STXBP4: variants seen among roughly 807,000 people sequenced by gnomAD.
STXBP4 encodes syntaxin binding protein 4, also known as syntaxin-binding protein 4.
In STXBP4, 55 loss-of-function variants were observed where a neutral mutation model predicts 76.1. That is an observed-to-expected ratio of 0.72 (90% CI 0.58 to 0.91). The LOEUF (loss-of-function observed/expected upper bound fraction) is 0.91. Ranked by LOEUF, STXBP4 falls within the 40% of genes least tolerant of loss-of-function variation. STXBP4 has a pLI of 0.00. For missense variants in STXBP4, 618 were observed against 636.9 expected, an observed-to-expected ratio of 0.97 and a Z score of 0.32; for synonymous variants, 201 against 220.2, an observed-to-expected ratio of 0.91 and a Z score of 0.77.
chr17:55,114,111 T>A (rs1358779139), intron 16 of STXBP4, among the ~76,000 whole-genome samples: 1 of 152,064 alleles, frequency 6.6e-6, no homozygotes, highest in African/African-American at 2.4e-5. Flanking sequence ...TTTCCCTTAA[T>A]TGGCACTCAT....
rs373350020 is a variant in STXBP4, at chr17:55,043,322, T to A, written c.942T>A (p.Leu314=). Residue 314 remains leucine, a synonymous_variant, in exon 11 of 18, where the codon CTT becomes CTA. Transcript: ENST00000376352. ...RDDALKEVNT[L]KEKLLESDKQ... ...ATGCCTTGAAAGAAGTAAATACACTTAAGGTAACCTCTAATTTAGTTTCCT... is the reference window on the plus strand; with the variant it reads ...ATGCCTTGAAAGAAGTAAATACACTAAAGGTAACCTCTAATTTAGTTTCCT... The A allele has an allele frequency of 6.8e-7, 1 of 1,476,442 alleles. No individual in the cohort carries two copies. The highest frequency in any genetic ancestry group is 9.1e-7 in the Non-Finnish European group (1 of 1,104,052). The allele number at this position is 1,476,442 out of a possible 1,614,324, so 91.5% of individuals were successfully genotyped here.
chr17:55,042,680 G>A (rs542118444), intron 10 of STXBP4, among the ~76,000 whole-genome samples: 47 of 151,770 alleles, frequency 3.1e-4, no homozygotes, highest in Non-Finnish European at 4.9e-4. Context: ...TTTTGTTATT[G>A]TTATTCACTT....
rs2080340562 is a variant in STXBP4, at chr17:55,161,948, T to C, written c.*2037T>C. On this transcript the variant is annotated 3_prime_UTR_variant, in exon 18 of 18. Coordinates refer to ENST00000376352, the MANE Select transcript of STXBP4 (RefSeq NM_178509.6). Reference sequence around the variant, plus strand: ...TGTTCTCTAAACCACTATGGAGAACTGCTTAGATTCATTGTCTATGGGTAC... The same window carrying C: ...TGTTCTCTAAACCACTATGGAGAACCGCTTAGATTCATTGTCTATGGGTAC... The C allele has an allele frequency of 6.6e-6, 1 of 152,238 alleles. No homozygotes were observed. Among genetic ancestry groups the C allele is most frequent in the Non-Finnish European group, 1.5e-5 (1 of 68,036 alleles). 9.4% of individuals were successfully genotyped at this position (152,238 alleles called of 1,614,324 possible). A position where few individuals can be genotyped will look rare whatever the true frequency, so the allele number is the denominator to read the frequency against.
At chr17:55,178,081 G>A (rs1313647088), downstream of STXBP4, among the ~76,000 whole-genome samples, 1 of 152,180 alleles carries the variant, frequency 6.6e-6, no homozygotes, top group Non-Finnish European at 1.5e-5. Context: ...GAGCTTAATG[G>A]AGATGAACAA....
intron 8 of STXBP4, among the ~76,000 whole-genome samples, chr17:55,025,224 A>T (rs2078390888): frequency 1.3e-5 from 2 of 152,188 alleles, no homozygotes; most frequent in African/African-American, 4.8e-5. Flanking sequence ...AAATTATAGG[A>T]GAATACTATG....
chr17:55,043,751 A>C, intron 11 of STXBP4: 1 of 1,057,152 alleles, frequency 9.5e-7, no homozygotes, highest in Non-Finnish European at 1.4e-6. Flanking sequence ...CGTAATTTGG[A>C]ATTAATATTA....
intron 4 of STXBP4, among the ~76,000 whole-genome samples, chr17:54,998,837 A>T (rs548655572): frequency 6.7e-4 from 77 of 114,906 alleles, no homozygotes; most frequent in Admixed American, 5.4e-3. Flanking sequence ...AATTTTGAAA[A>T]TTTAATTTTT....
chr17:55,083,572 G>C (rs762060264), intron 16 of STXBP4, among the ~76,000 whole-genome samples: 1 of 152,064 alleles, frequency 6.6e-6, no homozygotes, highest in Non-Finnish European at 1.5e-5. Flanking sequence ...GGTTAATTGC[G>C]CTCAGCTAGG....
chr17:55,165,583 A>G lies in STXBP4; in HGVS notation c.*5672A>G, dbSNP rs1353744926. 1 of 152,260 alleles carries G rather than the reference A, an allele frequency of 6.6e-6. No individual in the cohort carries two copies. Among genetic ancestry groups the G allele is most frequent in the Non-Finnish European group, 1.5e-5 (1 of 68,056 alleles). 9.4% of individuals were successfully genotyped at this position (152,260 alleles called of 1,614,324 possible). Reference sequence around the variant, plus strand: ...TCCACATGTTCTCTCAATGGAAATCAATTCGGACAATAACATTAGACCATC... The same window carrying G: ...TCCACATGTTCTCTCAATGGAAATCGATTCGGACAATAACATTAGACCATC... On this transcript the variant is annotated 3_prime_UTR_variant, in exon 18 of 18. Coordinates refer to ENST00000376352, the MANE Select transcript of STXBP4 (RefSeq NM_178509.6).
chr17:55,041,195 A>G (rs1322190132), intron 10 of STXBP4, among the ~76,000 whole-genome samples: 7 of 132,922 alleles, frequency 5.3e-5, no homozygotes, highest in Non-Finnish European at 8.4e-5. Flanking sequence ...TTAATAAATT[A>G]TTTTAGCTCT....
intron 10 of STXBP4, among the ~76,000 whole-genome samples, chr17:55,039,780 A>G (rs960595476): frequency 6.6e-6 from 1 of 152,138 alleles, no homozygotes; most frequent in African/African-American, 2.4e-5. Context: ...ATAACTAAGA[A>G]TATGATGGTA....
intron 6 of STXBP4, chr17:55,000,305 A>G (rs995099592): frequency 1.0e-6 from 1 of 972,464 alleles, no homozygotes; most frequent in Non-Finnish European, 1.2e-6. Context: ...TCACCCAAGT[A>G]GAATCACACA....
chr17:54,991,084 G>C, intron 4 of STXBP4, 127 bp downstream of exon 4: 1 of 1,063,062 alleles, frequency 9.4e-7, no homozygotes, highest in South Asian at 3.0e-5. Context: ...AAATACAAAG[G>C]AATTAGAAGA....
At chr17:55,011,178 T>C (rs889069718) in intron 8 of STXBP4, among the ~76,000 whole-genome samples, 1 of 152,172 alleles carries the variant, frequency 6.6e-6, no homozygotes, top group African/African-American at 2.4e-5. Context: ...TATTACTTAA[T>C]GTAAGAATTA....
chr17:55,118,723 A>G (rs2079810407), intron 16 of STXBP4, among the ~76,000 whole-genome samples: 1 of 151,906 alleles, frequency 6.6e-6, no homozygotes, highest in African/African-American at 2.4e-5. Context: ...AAGAAACTGG[A>G]CTAAAAAGGA....
Position 55,007,617 on chromosome 17 carries a change from A to G in STXBP4, c.666+20A>G, listed in dbSNP as rs771241909. 7 of 1,575,458 alleles carry G rather than the reference A, an allele frequency of 4.4e-6. No homozygotes were observed. Among genetic ancestry groups the G allele is most frequent in the Admixed American group, 3.6e-5 (2 of 56,084 alleles). ...GAAATGGTAAAACCTTTAAATTTTC[A>G]TTTTTCTTCCATAAGACAAAAACAG... On this transcript the variant is annotated intron_variant, in intron 8 of 17. Coordinates refer to ENST00000376352, the MANE Select transcript of STXBP4 (RefSeq NM_178509.6).
At chr17:55,002,925 G>C (rs2077944034) in intron 7 of STXBP4, among the ~76,000 whole-genome samples, 1 of 152,158 alleles carries the variant, frequency 6.6e-6, no homozygotes, top group African/African-American at 2.4e-5. Flanking sequence ...GTGTAGCTCA[G>C]ATAATATTCT....
intron 10 of STXBP4, among the ~76,000 whole-genome samples, chr17:55,035,396 C>T (rs1235290447): frequency 6.6e-6 from 1 of 151,700 alleles, no homozygotes; most frequent in East Asian, 1.9e-4. Context: ...ATGCATTATC[C>T]TTTTATGCTC....
At chr17:55,056,352 T>C (rs1282576752) in intron 12 of STXBP4, among the ~76,000 whole-genome samples, 1 of 152,202 alleles carries the variant, frequency 6.6e-6, no homozygotes, top group Non-Finnish European at 1.5e-5. Context: ...TGAATTTTCA[T>C]TGGAAATACT....
Sources: gnomAD v4.1 joint callset for allele counts (sites outside exome capture counted in the v4.1 genomes callset) on GRCh38, gnomAD v4.1.1 for gene constraint, MANE v1.5 for transcripts, NCBI Gene and HGNC (gene_info 2026-07-23, HGNC 2026-07-21) for gene names.